The following ASTN2 variants were observed in gnomAD, a reference collection of about 807,000 sequenced individuals.
The protein encoded by ASTN2 is astrotactin 2.
A neutral mutation model predicts 139.8 loss-of-function variants in ASTN2; 54 were observed. The observed-to-expected ratio is 0.39, with a 90% CI of 0.31 to 0.48. ASTN2 has a LOEUF of 0.48. Ranked by LOEUF, ASTN2 falls within the 20% of genes least tolerant of loss-of-function variation. ASTN2 has a pLI of 0.95. For synonymous variants in ASTN2, 756 were observed against 719.5 expected, an observed-to-expected ratio of 1.05 and a Z score of -0.81; for missense variants, 1,565 against 1,725.1, an observed-to-expected ratio of 0.91 and a Z score of 1.64.
chr9:116,746,109 CAG>C (rs1288739698), intron 13 of ASTN2, among the ~76,000 whole-genome samples: 4 of 131,282 alleles, frequency 3.0e-5, no homozygotes, highest in Admixed American at 1.7e-4. Flanking sequence ...TTTTTTGAGA[CAG>C]AGTCTTGCTC....
Position 116,725,995 on chromosome 9 carries a change from T to A in ASTN2, c.2627-45A>T. On this transcript the variant is annotated intron_variant, in intron 15 of 22. Coordinates refer to ENST00000313400, the MANE Select transcript of ASTN2 (RefSeq NM_001365068.1). ...GTGGAGGTGGTCAGATGTGAGAGGCTGGCGGCTAGCAAATTATACGGTGGC... is the reference window on the plus strand; with the variant it reads ...GTGGAGGTGGTCAGATGTGAGAGGCAGGCGGCTAGCAAATTATACGGTGGC... The A allele has an allele frequency of 1.9e-6, 3 of 1,558,034 alleles. No individual in the cohort carries two copies. The South Asian group carries it at 3.6e-5, about 19-fold the overall frequency.
intron 1 of ASTN2, among the ~76,000 whole-genome samples, chr9:117,294,004 A>T (rs1450527333): frequency 6.6e-6 from 1 of 152,170 alleles, no homozygotes; most frequent in African/African-American, 2.4e-5. Context: ...GAGCAGAGGG[A>T]TGCTTGTGGA....
intron 19 of ASTN2, among the ~76,000 whole-genome samples, chr9:116,516,261 A>T (rs1850644533): frequency 6.6e-6 from 1 of 152,204 alleles, no homozygotes; most frequent in Admixed American, 6.5e-5. Flanking sequence ...AGCTCAGGAT[A>T]TAGGTACAAT....
chr9:116,744,212 A>G (rs1176572733), intron 13 of ASTN2, among the ~76,000 whole-genome samples: 1 of 152,186 alleles, frequency 6.6e-6, no homozygotes, highest in Non-Finnish European at 1.5e-5. Flanking sequence ...GATAAAACAC[A>G]TGGCATGTTC....
chr9:116,588,165 C>T (rs1332893233), intron 19 of ASTN2, among the ~76,000 whole-genome samples: 1 of 152,150 alleles, frequency 6.6e-6, no homozygotes, highest in Non-Finnish European at 1.5e-5. Flanking sequence ...TCCAGGATCC[C>T]AAATGACACT....
chr9:117,010,044 T>A (rs1341585609), intron 6 of ASTN2, among the ~76,000 whole-genome samples: 1 of 152,162 alleles, frequency 6.6e-6, no homozygotes, highest in African/African-American at 2.4e-5. Flanking sequence ...AAAGGCACAG[T>A]GGACAACATA....
chr9:116,754,180 T>C (rs530286078), intron 13 of ASTN2, among the ~76,000 whole-genome samples: 1 of 152,326 alleles, frequency 6.6e-6, no homozygotes, highest in African/African-American at 2.4e-5. Context: ...ATGGTGTATA[T>C]GTGCCACATT....
chr9:117,093,147 G>A (rs1287329207), intron 5 of ASTN2, among the ~76,000 whole-genome samples: 1 of 152,140 alleles, frequency 6.6e-6, no homozygotes, highest in Non-Finnish European at 1.5e-5. Flanking sequence ...CCATGTTTCA[G>A]ATTGAAAAAC....
chr9:116,990,952 G>A (rs995114104), intron 7 of ASTN2, among the ~76,000 whole-genome samples: 1 of 152,118 alleles, frequency 6.6e-6, no homozygotes, highest in Non-Finnish European at 1.5e-5. Context: ...AGTTGTGTGG[G>A]ACATTTTGAA....
At chr9:116,544,431 G>A (rs992887122) in intron 19 of ASTN2, among the ~76,000 whole-genome samples, 1 of 152,182 alleles carries the variant, frequency 6.6e-6, no homozygotes, top group Non-Finnish European at 1.5e-5. Flanking sequence ...AGACATGATA[G>A]TAGTAGGTCT....
At chr9:117,311,235 A>G (rs1564140259) in intron 1 of ASTN2, among the ~76,000 whole-genome samples, 1 of 152,062 alleles carries the variant, frequency 6.6e-6, no homozygotes, top group African/African-American at 2.4e-5. Context: ...TACAGAAAAA[A>G]AAAAAAAAAA....
chr9:116,631,263 G>A (rs1364015607), intron 17 of ASTN2, among the ~76,000 whole-genome samples: 1 of 152,166 alleles, frequency 6.6e-6, no homozygotes, highest in Non-Finnish European at 1.5e-5. Flanking sequence ...CTTTCAGCCT[G>A]TGTCCTGTTT....
At chr9:117,339,566 C>G (rs1382572800) in intron 1 of ASTN2, among the ~76,000 whole-genome samples, 2 of 152,168 alleles carry the variant, frequency 1.3e-5, no homozygotes, top group East Asian at 1.9e-4. Context: ...AAACATCATG[C>G]CTTTTCCTGA....
In ASTN2 at chr9:116,574,709, G is replaced by A. The variant is rs138013730; in HGVS notation, c.3355+43615C>T. On this transcript the variant is annotated intron_variant, in intron 19 of 22. Transcript: ENST00000313400. ...GGTAAAATGCTTGCCCGTTTCTACC[G>A]ACTGTGTGTGGACCACCTCCCCCTT... Among the ~76,000 whole-genome samples, 468 of 152,288 alleles carry A rather than the reference G, an allele frequency of 3.1e-3. 2 individuals are homozygous for A. The highest frequency in any genetic ancestry group is 0.011 in the African/African-American group (448 of 41,562).
chr9:116,450,432 C>T (rs1379291334), intron 20 of ASTN2, among the ~76,000 whole-genome samples: 1 of 152,188 alleles, frequency 6.6e-6, no homozygotes, highest in Non-Finnish European at 1.5e-5. Context: ...CAGTTAGGAT[C>T]AGAGAGTTCA....
rs1235965578 is a variant in ASTN2 at position 117,414,770 on chromosome 9, G to C, written c.169C>G (p.Arg57Gly). Residue 57 changes from arginine (R) to glycine (G), a missense_variant, in exon 1 of 23, where the codon CGG (arginine) becomes GGG (glycine). Around this residue, in one of 4 missense-constraint regions of ASTN2, gnomAD observed 596 missense variants for 576.8 expected, o/e 1.03. Transcript: ENST00000313400. The surrounding 1 kb of genome is among the most constrained non-coding windows in gnomAD (Gnocchi z 4.2). ...AGCCGGCACGGGCTGTCGGGCTCCC[G>C]CGAGGCAGCGGCGGTGGCGCCGGCC... ...LLAGATAAAS[R>G]EPDSPCRLKT... The C allele has an allele frequency of 7.1e-6, 9 of 1,265,902 alleles. No homozygotes were observed. In the African/African-American group the frequency reaches 1.4e-4, roughly 20 times the overall value. 78.4% of individuals were successfully genotyped at this position (1,265,902 alleles called of 1,614,324 possible). A position where few individuals can be genotyped will look rare whatever the true frequency, so the allele number is the denominator to read the frequency against.
At chr9:117,393,137 T>C (rs1262710117) in intron 1 of ASTN2, among the ~76,000 whole-genome samples, 1 of 152,182 alleles carries the variant, frequency 6.6e-6, no homozygotes, top group Non-Finnish European at 1.5e-5. Context: ...AGAATCTCAC[T>C]TCTACTCTCT....
intron 4 of ASTN2, among the ~76,000 whole-genome samples, chr9:117,135,088 G>C (rs78024663): frequency 0.043 from 6,576 of 152,298 alleles, 205 homozygotes; most frequent in Middle Eastern, 0.14. Flanking sequence ...GCCAATGCAA[G>C]AGAAGCTGCA....
intron 10 of ASTN2, among the ~76,000 whole-genome samples, chr9:116,951,337 CAAAAAAA>C (rs386416039): frequency 5.9e-5 from 2 of 34,060 alleles, no homozygotes; most frequent in African/African-American, 1.6e-4. Context: ...AACTCTGTCT[CAAAAAAA>C]AAAAAAAAAA....
Sources: gnomAD v4.1 joint callset for allele counts (sites outside exome capture counted in the v4.1 genomes callset) on GRCh38, gnomAD v4.1.1 for gene constraint, gnomAD v4.1.1 regional missense constraint, Gnocchi (gnomAD v3.1) non-coding constraint, MANE v1.5 for transcripts, NCBI Gene and HGNC (gene_info 2026-07-23, HGNC 2026-07-21) for gene names.